Variants in SLC9A8 observed in about 807,000 individuals in gnomAD.
The protein encoded by SLC9A8 is solute carrier family 9 member A8.
A neutral mutation model predicts 66.6 loss-of-function variants in SLC9A8; 48 were observed. The observed-to-expected ratio is 0.72, with a 90% CI of 0.57 to 0.92. The LOEUF is 0.92. SLC9A8 is among the 40% of genes least tolerant of loss of function. The pLI, the probability that SLC9A8 is intolerant of heterozygous loss-of-function variation, is 0.00. For missense variants in SLC9A8, 599 were observed against 747.3 expected, an observed-to-expected ratio of 0.80 and a Z score of 2.31; for synonymous variants, 274 against 282.6, an observed-to-expected ratio of 0.97 and a Z score of 0.31.
rs2090013317 is a variant in SLC9A8, at chr20:49,890,393, A to G, written c.*2457A>G. 5 of 152,152 alleles carry G rather than the reference A, an allele frequency of 3.3e-5. No individual in the cohort carries two copies. The highest frequency in any genetic ancestry group is 6.5e-5 in the Admixed American group (1 of 15,284). 9.4% of individuals were successfully genotyped at this position (152,152 alleles called of 1,614,324 possible). A position where few individuals can be genotyped will look rare whatever the true frequency, so the allele number is the denominator to read the frequency against. ...AGATATAAAAATACGCAGCTTAACT[A>G]TATCTTCCTGCGTGTGTATTTATTT... is the stretch of plus-strand genomic sequence containing the variant. On this transcript the variant is annotated 3_prime_UTR_variant, in exon 16 of 16. Coordinates refer to ENST00000361573, the MANE Select transcript of SLC9A8 (RefSeq NM_015266.3).
At chr20:49,832,999 G>A (rs914073388) in intron 3 of SLC9A8, among the ~76,000 whole-genome samples, 4 of 151,686 alleles carry the variant, frequency 2.6e-5, no homozygotes, top group African/African-American at 4.8e-5. Context: ...TTCCCCTCCC[G>A]GGTCCAAGCG....
At chr20:49,882,262 C>T (rs2089653112) in intron 13 of SLC9A8, among the ~76,000 whole-genome samples, 1 of 152,224 alleles carries the variant, frequency 6.6e-6, no homozygotes, top group South Asian at 2.1e-4. Context: ...CACCGCCTGT[C>T]CACGGGGCTG....
intron 11 of SLC9A8, 100 bp from the exon 12 acceptor site, chr20:49,877,881 T>G: frequency 1.4e-6 from 1 of 736,946 alleles, no homozygotes; most frequent in Non-Finnish European, 2.2e-6. Context: ...GAAAGTGTTG[T>G]ATTGGATTCT....
intron 3 of SLC9A8, among the ~76,000 whole-genome samples, chr20:49,834,802 A>G (rs2087464992): frequency 6.6e-6 from 1 of 152,200 alleles, no homozygotes; most frequent in Non-Finnish European, 1.5e-5. Context: ...CGAGGTAATC[A>G]TGGCATTAAG....
intron 3 of SLC9A8, chr20:49,829,759 A>G: frequency 1.9e-6 from 1 of 527,618 alleles, no homozygotes; most frequent in East Asian, 4.6e-5. Flanking sequence ...TGATGACAAG[A>G]ATCGGCTTAA....
At chr20:49,818,664 T>G (rs551948622) in intron 2 of SLC9A8, among the ~76,000 whole-genome samples, 1 of 151,966 alleles carries the variant, frequency 6.6e-6, no homozygotes, top group Non-Finnish European at 1.5e-5. Flanking sequence ...CTAATTTTTG[T>G]ATTTTTAGTA....
chr20:49,884,668 G>A (rs1316419589), intron 14 of SLC9A8, among the ~76,000 whole-genome samples: 3 of 152,162 alleles, frequency 2.0e-5, no homozygotes. Context: ...GTGGCTGTGA[G>A]GGCCGTGAGA....
At chr20:49,878,878 G>A (rs1054055489) in intron 12 of SLC9A8, among the ~76,000 whole-genome samples, 3 of 152,146 alleles carry the variant, frequency 2.0e-5, no homozygotes, top group African/African-American at 7.2e-5. Flanking sequence ...TTAGCCGGGC[G>A]TGGTGATATG....
At chr20:49,823,781 G>A (rs1255633450) in intron 3 of SLC9A8, among the ~76,000 whole-genome samples, 2 of 152,188 alleles carry the variant, frequency 1.3e-5, no homozygotes, top group African/African-American at 4.8e-5. Flanking sequence ...AGGCTAAAAT[G>A]TGGGTGGAGA....
rs2090050788 is a variant in SLC9A8, at chr20:49,891,813, AG to A, written c.*3879del. On this transcript the variant is annotated 3_prime_UTR_variant, in exon 16 of 16. Coordinates refer to ENST00000361573, the MANE Select transcript of SLC9A8 (RefSeq NM_015266.3). ...GTGGGCATGGCCTGGCTTACACCAAAGGCTTTGACGGTTTCTCCAAGTAAGG... is the reference window on the plus strand; with the variant it reads ...GTGGGCATGGCCTGGCTTACACCAAAGCTTTGACGGTTTCTCCAAGTAAGG... 1.3e-5 allele frequency: 2 copies of A among 152,260 alleles called. No homozygotes were observed. Among genetic ancestry groups the A allele is most frequent in the Admixed American group, 1.3e-4 (2 of 15,280 alleles). The allele number at this position is 152,260 out of a possible 1,614,324, so 9.4% of individuals were successfully genotyped here.
intron 3 of SLC9A8, among the ~76,000 whole-genome samples, chr20:49,834,371 ATATATATATATACTG>A (rs2087398352): frequency 1.8e-5 from 1 of 54,966 alleles, no homozygotes; most frequent in South Asian, 4.1e-4. Flanking sequence ...TATACTGTGT[ATATATATATATACTG>A]TGTATATATA....
chr20:49,885,681 GGCAGTCAGTGT>G (rs1480340966), intron 14 of SLC9A8, among the ~76,000 whole-genome samples: 1 of 152,224 alleles, frequency 6.6e-6, no homozygotes, highest in Non-Finnish European at 1.5e-5. Context: ...TGTTTTCTGT[GGCAGTCAGTGT>G]GCTTGCGTTT....
intron 3 of SLC9A8, chr20:49,831,147 G>C: frequency 2.0e-6 from 1 of 505,294 alleles, no homozygotes; most frequent in African/African-American, 1.9e-5. Flanking sequence ...TCCTCACATG[G>C]GGTCAGGGGC....
intron 3 of SLC9A8, among the ~76,000 whole-genome samples, chr20:49,838,247 A>G (rs1370000267): frequency 6.6e-6 from 1 of 152,196 alleles, no homozygotes; most frequent in Non-Finnish European, 1.5e-5. Context: ...CTTATTTATG[A>G]CATTTTACAT....
chr20:49,872,626 C>T (rs1600783682), intron 10 of SLC9A8, among the ~76,000 whole-genome samples: 1 of 152,284 alleles, frequency 6.6e-6, no homozygotes, highest in East Asian at 1.9e-4. Flanking sequence ...GCTGGGATTA[C>T]AGGCGTGTGC....
At chr20:49,873,727 C>T (rs1185304292) in intron 10 of SLC9A8, among the ~76,000 whole-genome samples, 6 of 139,360 alleles carry the variant, frequency 4.3e-5, no homozygotes, top group South Asian at 2.3e-4. Context: ...GTCGATTTCA[C>T]GCTATTGCAC....
chr20:49,816,750 A>C (rs528650337), intron 2 of SLC9A8, among the ~76,000 whole-genome samples: 11 of 151,804 alleles, frequency 7.2e-5, no homozygotes, highest in Non-Finnish European at 1.2e-4. Flanking sequence ...TTTTCTTGAG[A>C]TGGAGTCTTG....
chr20:49,869,237 T>C (rs1043780301), intron 10 of SLC9A8, among the ~76,000 whole-genome samples: 11 of 152,240 alleles, frequency 7.2e-5, no homozygotes, highest in Non-Finnish European at 1.3e-4. Flanking sequence ...TCTTTCTTTT[T>C]GAGGCAGAGT....
chr20:49,834,238 A>G (rs1294776929), intron 3 of SLC9A8, among the ~76,000 whole-genome samples: 2 of 143,646 alleles, frequency 1.4e-5, no homozygotes, highest in Admixed American at 1.4e-4. Context: ...ATGTATATAC[A>G]CACACTGTAT....
Sources: gnomAD v4.1 joint callset for allele counts (sites outside exome capture counted in the v4.1 genomes callset) on GRCh38, gnomAD v4.1.1 for gene constraint, MANE v1.5 for transcripts, NCBI Gene and HGNC (gene_info 2026-07-23, HGNC 2026-07-21) for gene names.